Variants in NKAIN3 observed in about 807,000 individuals in gnomAD.
The protein encoded by NKAIN3 is sodium/potassium transporting ATPase interacting 3, also known as sodium/potassium-transporting ATPase subunit beta-1-interacting protein 3.
Under a neutral mutation model 30.2 loss-of-function variants are expected in NKAIN3, and 25 were observed. The observed-to-expected ratio is 0.83, with a 90% confidence interval of 0.60 to 1.16. NKAIN3 has a LOEUF of 1.16. Among genes scored for constraint, NKAIN3 ranks in the 50% most tolerant of loss-of-function variants. NKAIN3 has a pLI of 0.00. For synonymous variants in NKAIN3, 91 were observed against 89.6 expected, an observed-to-expected ratio of 1.02 and a Z score of -0.09; for missense variants, 225 against 254.1, an observed-to-expected ratio of 0.89 and a Z score of 0.78.
intron 3 of NKAIN3, among the ~76,000 whole-genome samples, chr8:62,603,516 T>C (rs1469790995): frequency 6.6e-6 from 1 of 152,190 alleles, no homozygotes; most frequent in South Asian, 2.1e-4. Flanking sequence ...CGGATAAAAT[T>C]TTTCCATGTA....
At chr8:62,496,424 A>G (rs890643336) in intron 1 of NKAIN3, among the ~76,000 whole-genome samples, 46 of 152,216 alleles carry the variant, frequency 3.0e-4, no homozygotes, top group African/African-American at 9.6e-4. Flanking sequence ...AGGCTCATCC[A>G]GTGTGTTCTT....
chr8:62,600,077 CT>C (rs1810945185), intron 3 of NKAIN3, among the ~76,000 whole-genome samples: 1 of 151,968 alleles, frequency 6.6e-6, no homozygotes, highest in African/African-American at 2.4e-5. Flanking sequence ...TTAATGGCAT[CT>C]TTTAATTATT....
Position 62,579,519 on chromosome 8 carries a change from A to G in NKAIN3, c.55-20A>G, listed in dbSNP as rs778241906. On this transcript the variant is annotated intron_variant, in intron 1 of 6. Coordinates refer to ENST00000623646, the MANE Select transcript of NKAIN3 (RefSeq NM_001304533.3). The stretch of plus-strand genomic sequence containing the variant: ...TGATGCTTGGATTCAATGCTAATGA[A>G]CTTTCTTTTTTTGTTGTAGGTCTCA... 1.9e-6 allele frequency: 3 copies of G among 1,590,982 alleles called. No homozygotes were observed. The highest frequency in any genetic ancestry group is 2.6e-6 in the Non-Finnish European group (3 of 1,169,976).
downstream of NKAIN3, among the ~76,000 whole-genome samples, chr8:62,985,783 T>C (rs977816746): frequency 3.9e-5 from 6 of 152,060 alleles, no homozygotes; most frequent in South Asian, 4.2e-4. Context: ...GCCTGTTAAC[T>C]TTTATGGGAA....
At chr8:62,633,359 T>C (rs1323717114) in intron 3 of NKAIN3, among the ~76,000 whole-genome samples, 1 of 152,196 alleles carries the variant, frequency 6.6e-6, no homozygotes. Flanking sequence ...CCTGAATGCT[T>C]ACTATCTCAG....
chr8:62,684,241 T>C (rs943683309), intron 3 of NKAIN3, among the ~76,000 whole-genome samples: 1 of 151,488 alleles, frequency 6.6e-6, no homozygotes, highest in African/African-American at 2.5e-5. Context: ...CATTCCCTAC[T>C]CCACCAGCAC....
chr8:62,650,083 C>A (rs771743892), intron 3 of NKAIN3, among the ~76,000 whole-genome samples: 1 of 151,940 alleles, frequency 6.6e-6, no homozygotes, highest in Non-Finnish European at 1.5e-5. Flanking sequence ...GAAAAAAAAA[C>A]TGCATTTTGA....
chr8:62,769,808 C>A (rs1816958226), intron 4 of NKAIN3, among the ~76,000 whole-genome samples: 1 of 152,146 alleles, frequency 6.6e-6, no homozygotes, highest in Admixed American at 6.5e-5. Flanking sequence ...TTCTTCTAAG[C>A]AGTTTGGAGA....
At chr8:62,988,292 C>G (rs940027875), downstream of NKAIN3, among the ~76,000 whole-genome samples, 1 of 152,222 alleles carries the variant, frequency 6.6e-6, no homozygotes, top group Non-Finnish European at 1.5e-5. Context: ...TGACCCTCTT[C>G]TTGAAGCTCC....
chr8:62,437,185 T>C (rs1030434204), intron 1 of NKAIN3, among the ~76,000 whole-genome samples: 1 of 152,106 alleles, frequency 6.6e-6, no homozygotes, highest in Non-Finnish European at 1.5e-5. Context: ...GCTAAAAGTA[T>C]ATGAAAAGTC....
At chr8:62,317,858 T>C (rs1434804434) in intron 1 of NKAIN3, among the ~76,000 whole-genome samples, 1 of 152,190 alleles carries the variant, frequency 6.6e-6, no homozygotes, top group Admixed American at 6.5e-5. Context: ...ATCTATAAAT[T>C]ACCTTGGGCA....
chr8:62,458,012 G>A (rs546186266), intron 1 of NKAIN3, among the ~76,000 whole-genome samples: 12 of 152,198 alleles, frequency 7.9e-5, no homozygotes, highest in South Asian at 2.1e-4. Flanking sequence ...GTAGGCCCTC[G>A]ACGGGACTGG....
chr8:62,623,071 G>T (rs963671694), intron 3 of NKAIN3, among the ~76,000 whole-genome samples: 1 of 151,872 alleles, frequency 6.6e-6, no homozygotes, highest in East Asian at 1.9e-4. Context: ...GACGCCAGGA[G>T]AAAAGAGGCA....
At chr8:62,823,602 A>T (rs1351601596) in intron 4 of NKAIN3, among the ~76,000 whole-genome samples, 1 of 152,216 alleles carries the variant, frequency 6.6e-6, no homozygotes, top group African/African-American at 2.4e-5. Context: ...CAGACTGATT[A>T]AGAAAGCCCT....
chr8:62,810,910 C>T (rs538536140), intron 4 of NKAIN3, among the ~76,000 whole-genome samples: 1 of 151,952 alleles, frequency 6.6e-6, no homozygotes, highest in Admixed American at 6.6e-5. Flanking sequence ...CTTGTTTTCC[C>T]CAGTAATAAC....
chr8:62,999,626 C>T (rs1468122325), exon 6 of NKAIN3: 1 of 152,128 alleles, frequency 6.6e-6, no homozygotes, highest in African/African-American at 2.4e-5. Flanking sequence ...TGTGCTGAAG[C>T]TTTGTTTAAT....
In NKAIN3 at chr8:62,249,041, G is replaced by C; in HGVS notation, c.-33G>C. ...GCAGCGGCGGAGGACGAGGATCTCTGGCAGTCAGCGCCGCTCGGACGCCGC... is the reference window on the plus strand; with the variant it reads ...GCAGCGGCGGAGGACGAGGATCTCTCGCAGTCAGCGCCGCTCGGACGCCGC... On this transcript the variant is annotated 5_prime_UTR_variant, in exon 1 of 7. Transcript: ENST00000623646. 6.6e-7 allele frequency: 1 copy of C among 1,526,466 alleles called. No individual in the cohort carries two copies. The highest frequency in any genetic ancestry group is 8.8e-7 in the Non-Finnish European group (1 of 1,137,266). The allele number at this position is 1,526,466 out of a possible 1,614,324, so 94.6% of individuals were successfully genotyped here. A position where few individuals can be genotyped will look rare whatever the true frequency, so the allele number is the denominator to read the frequency against.
chr8:62,500,473 GAAAGAAA>G (rs1807404062), intron 1 of NKAIN3, among the ~76,000 whole-genome samples: 1 of 120,506 alleles, frequency 8.3e-6, no homozygotes, highest in African/African-American at 3.3e-5. Flanking sequence ...AAGAAAGAAA[GAAAGAAA>G]GAAAGAAGAA....
At chr8:62,738,861 T>TCAAA (rs1815765624) in intron 3 of NKAIN3, among the ~76,000 whole-genome samples, 1 of 152,136 alleles carries the variant, frequency 6.6e-6, no homozygotes, top group Non-Finnish European at 1.5e-5. Context: ...CAATTTTGGC[T>TCAAA]TTTGAAATGC....
Sources: gnomAD v4.1 joint callset for allele counts (sites outside exome capture counted in the v4.1 genomes callset) on GRCh38, gnomAD v4.1.1 for gene constraint, MANE v1.5 for transcripts, NCBI Gene and HGNC (gene_info 2026-07-23, HGNC 2026-07-21) for gene names.